SLIT1: variants seen among roughly 807,000 people sequenced by gnomAD.
SLIT1 encodes slit guidance ligand 1.
SLIT1 carries 66 observed loss-of-function variants against 186.1 expected under a neutral mutation model. The ratio of observed to expected loss-of-function variants is 0.35; its 90% CI spans 0.29 to 0.44. SLIT1 has a LOEUF of 0.44. Ranked by LOEUF, SLIT1 falls within the 20% of genes least tolerant of loss-of-function variation. SLIT1 has a pLI of 1.00. For missense variants in SLIT1, 1,638 were observed against 2,037.4 expected, an observed-to-expected ratio of 0.80 and a Z score of 3.77; for synonymous variants, 761 against 833.8, an observed-to-expected ratio of 0.91 and a Z score of 1.50.
At chr10:97,174,617 T>G (rs1361966955) in intron 1 of SLIT1, among the ~76,000 whole-genome samples, 3 of 152,254 alleles carry the variant, frequency 2.0e-5, no homozygotes. Context: ...CCTGGGCTCC[T>G]GGGGACCCAT....
intron 17 of SLIT1, 57 bp from the exon 18 acceptor site, chr10:97,046,854 C>G (rs1848738609): frequency 3.1e-6 from 5 of 1,594,650 alleles, no homozygotes; most frequent in African/African-American, 1.3e-5. Flanking sequence ...AGCTCAGGCC[C>G]CTCCCTTCCT....
intron 30 of SLIT1, 81 bp from the exon 31 acceptor site, chr10:97,011,211 C>A: frequency 1.0e-6 from 1 of 963,604 alleles, no homozygotes; most frequent in South Asian, 1.4e-5. Context: ...AGGGATCCCC[C>A]ACACAGTCTG....
intron 4 of SLIT1, among the ~76,000 whole-genome samples, chr10:97,113,663 C>T (rs1849484186): frequency 6.6e-6 from 1 of 152,126 alleles, no homozygotes; most frequent in Admixed American, 6.5e-5. Context: ...AGAGTTTCTC[C>T]TGCCTCAGCC....
chr10:97,119,913 G>GTATATATATATATATATATATATA lies in SLIT1; in HGVS notation c.413+37881_413+37904dup, dbSNP rs55656011. Among the ~76,000 whole-genome samples the GTATATATATATATATATATATATA allele has an allele frequency of 6.5e-4, 37 of 56,512 alleles. 1 individual carries two copies. The highest frequency in any genetic ancestry group is 1.0e-3 in the Non-Finnish European group (28 of 26,956). The allele number at this position is 56,512 out of a possible 152,430, so 37.1% of individuals were successfully genotyped here. A position where few individuals can be genotyped will look rare whatever the true frequency, so the allele number is the denominator to read the frequency against. Reference sequence around the variant, plus strand: ...AAATACATATTTTTTTTCCAAAGGGGTATATATATATATATATATATATAT... The same window carrying GTATATATATATATATATATATATA: ...AAATACATATTTTTTTTCCAAAGGGGTATATATATATATATATATATATATATATATATATATATATATATATAT... On this transcript the variant is annotated intron_variant, in intron 4 of 36. Transcript: ENST00000266058.
intron 4 of SLIT1, among the ~76,000 whole-genome samples, chr10:97,083,868 C>G (rs376773802): frequency 6.6e-6 from 1 of 152,200 alleles, no homozygotes; most frequent in African/African-American, 2.4e-5. Flanking sequence ...TCCTTGAGGT[C>G]TCCGAGAATG....
rs748771148 is a variant in SLIT1 at position 97,046,801 on chromosome 10, G to T, written c.1710-4C>A. Reference sequence around the variant, plus strand: ...CACCTTGTTGTTGCTCAGATTGCTGGGAGAAGAGGCGGGGGGAGGATTACA... The same window carrying T: ...CACCTTGTTGTTGCTCAGATTGCTGTGAGAAGAGGCGGGGGGAGGATTACA... On this transcript the variant is annotated splice_region_variant and splice_polypyrimidine_tract_variant and intron_variant, in intron 17 of 36. Transcript: ENST00000266058. 6.2e-7 allele frequency: 1 copy of T among 1,611,482 alleles called. No homozygotes were observed. The highest frequency in any genetic ancestry group is 1.7e-5 in the Admixed American group (1 of 60,014).
At chr10:97,168,946 G>A (rs1459051686) in intron 1 of SLIT1, among the ~76,000 whole-genome samples, 2 of 152,098 alleles carry the variant, frequency 1.3e-5, no homozygotes, top group African/African-American at 4.8e-5. Flanking sequence ...CCACTAAGGC[G>A]GGACAGAGGT....
At chr10:97,036,979 C>G (rs987241920) in intron 22 of SLIT1, among the ~76,000 whole-genome samples, 1 of 151,440 alleles carries the variant, frequency 6.6e-6, no homozygotes, top group Admixed American at 6.6e-5. Flanking sequence ...TGAGCTGGAC[C>G]GAGAAGCTTT....
chr10:97,101,422 C>G (rs1242230163), intron 4 of SLIT1: 3 of 152,204 alleles, frequency 2.0e-5, no homozygotes, highest in African/African-American at 7.2e-5. Flanking sequence ...GCGGAGTGCT[C>G]ACACAAAGGA....
chr10:97,066,002 G>A lies in SLIT1; in HGVS notation c.485+13C>T. ...AGCCCCCACACCCTTCTCCCTCCCA[G>A]GCCTGTACTCACAAATTTTTAAGGT... On this transcript the variant is annotated intron_variant, in intron 5 of 36. Transcript: ENST00000266058. 1 of 1,590,908 alleles carries A rather than the reference G, an allele frequency of 6.3e-7. No homozygotes were observed. Among genetic ancestry groups the A allele is most frequent in the Non-Finnish European group, 8.6e-7 (1 of 1,164,920 alleles).
At chr10:97,045,211 A>G (rs1848724308) in intron 18 of SLIT1, among the ~76,000 whole-genome samples, 1 of 152,092 alleles carries the variant, frequency 6.6e-6, no homozygotes, top group African/African-American at 2.4e-5. Flanking sequence ...TTGCTTATAA[A>G]AAAAAAAAAA....
At chr10:97,015,222 G>A (rs952240386) in intron 28 of SLIT1, among the ~76,000 whole-genome samples, 1 of 152,194 alleles carries the variant, frequency 6.6e-6, no homozygotes, top group Non-Finnish European at 1.5e-5. Context: ...GATGGGACAA[G>A]CCCTCCAGGT....
chr10:97,071,204 G>C (rs1186209805), intron 4 of SLIT1, among the ~76,000 whole-genome samples: 1 of 152,194 alleles, frequency 6.6e-6, no homozygotes, highest in Non-Finnish European at 1.5e-5. Context: ...GAAAGACGGG[G>C]TCTGGGGAGA....
At chr10:97,051,760 C>T (rs554271390) in intron 13 of SLIT1, among the ~76,000 whole-genome samples, 80 of 147,726 alleles carry the variant, frequency 5.4e-4, no homozygotes, top group African/African-American at 1.5e-3. Context: ...TGCAGTGAGC[C>T]GAGATCGTGC....
At position 97,058,152 on chromosome 10, in the gene SLIT1, C is replaced by A. The variant is rs1421509327; in HGVS notation, c.1086-871G>T. The stretch of plus-strand genomic sequence containing the variant: ...GGACAGTAACTTGGTCTTTACCCAG[C>A]CAGCATCAGGAAGCCACTGAGACAG... On this transcript the variant is annotated intron_variant, in intron 11 of 36. Transcript: ENST00000266058. 8 of 684,780 alleles carry A rather than the reference C, an allele frequency of 1.2e-5. No homozygotes were observed. The Admixed American group carries it at 1.2e-4, about 11-fold the overall frequency. The allele number at this position is 684,780 out of a possible 1,614,324, so 42.4% of individuals were successfully genotyped here.
chr10:97,164,198 T>C (rs1850070809), intron 2 of SLIT1, among the ~76,000 whole-genome samples: 1 of 152,238 alleles, frequency 6.6e-6, no homozygotes, highest in East Asian at 1.9e-4. Flanking sequence ...AAGTGTGTTT[T>C]TCCCCCTGCA....
Position 96,999,175 on chromosome 10 carries a change from GC to G in SLIT1, c.*1936del. 6.6e-6 allele frequency: 1 copy of G among 152,558 alleles called. No homozygotes were observed. Among genetic ancestry groups the G allele is most frequent in the Non-Finnish European group, 1.5e-5 (1 of 68,252 alleles). 9.5% of individuals were successfully genotyped at this position (152,558 alleles called of 1,614,324 possible). On this transcript the variant is annotated 3_prime_UTR_variant, in exon 37 of 37. Transcript: ENST00000266058. ...GGAGAAGCCCCATGAGGCCCAGGCTGCAGTCTACTTGGGGGTGGGGGCGGGC... is the reference window on the plus strand; with the variant it reads ...GGAGAAGCCCCATGAGGCCCAGGCTGAGTCTACTTGGGGGTGGGGGCGGGC...
rs1313755237 is a variant in SLIT1, at chr10:97,022,885, C to G, written c.2583-1472G>C. On this transcript the variant is annotated intron_variant, in intron 25 of 36. Transcript: ENST00000266058. The surrounding 1 kb of genome is among the most constrained non-coding windows in gnomAD (Gnocchi z 4.2). ...CTACTGAGCAGCTTGCTCCTTGTCA[C>G]TAAACAGCACGTCTTGGGAATCTTC... Among the ~76,000 whole-genome samples the G allele has an allele frequency of 6.6e-6, 1 of 152,220 alleles. No individual in the cohort carries two copies. Among genetic ancestry groups the G allele is most frequent in the Non-Finnish European group, 1.5e-5 (1 of 68,036 alleles).
At chr10:97,081,816 G>C (rs528043804) in intron 4 of SLIT1, among the ~76,000 whole-genome samples, 9 of 152,310 alleles carry the variant, frequency 5.9e-5, no homozygotes, top group Admixed American at 2.6e-4. Context: ...AGGAGTCGCT[G>C]TCTGGGGAGC....
Sources: gnomAD v4.1 joint callset for allele counts (sites outside exome capture counted in the v4.1 genomes callset) on GRCh38, gnomAD v4.1.1 for gene constraint, Gnocchi (gnomAD v3.1) non-coding constraint, MANE v1.5 for transcripts, NCBI Gene and HGNC (gene_info 2026-07-23, HGNC 2026-07-21) for gene names.